The following RNF150 variants were observed in gnomAD, a reference collection of about 807,000 sequenced individuals.
RNF150 encodes ring finger protein 150.
Under a neutral mutation model 39.3 loss-of-function variants are expected in RNF150, and 24 were observed. The ratio of observed to expected loss-of-function variants is 0.61; its 90% CI spans 0.44 to 0.86. The LOEUF is 0.86. Ranked by LOEUF, RNF150 falls within the 40% of genes least tolerant of loss-of-function variation. The pLI, the probability that RNF150 is intolerant of heterozygous loss-of-function variation, is 0.00. For synonymous variants in RNF150, 255 were observed against 227.3 expected, an observed-to-expected ratio of 1.12 and a Z score of -1.10; for missense variants, 502 against 587.8, an observed-to-expected ratio of 0.85 and a Z score of 1.51.
At position 140,861,025 on chromosome 4, in the gene RNF150, C is replaced by T. The variant is rs1202086269; in HGVS notation, c.*7236G>A. ...TTCATTTTCTAAATGTAAGGGACAC[C>T]CCTCTATAAAAATAACAGTCCCTCC... is the stretch of plus-strand genomic sequence containing the variant. On this transcript the variant is annotated 3_prime_UTR_variant, in exon 7 of 7. Coordinates refer to ENST00000515673, the MANE Select transcript of RNF150 (RefSeq NM_020724.2). 1 of 151,888 alleles carries T rather than the reference C, an allele frequency of 6.6e-6. No individual in the cohort carries two copies. Among genetic ancestry groups the T allele is most frequent in the African/African-American group, 2.4e-5 (1 of 41,328 alleles). 9.4% of individuals were successfully genotyped at this position (151,888 alleles called of 1,614,324 possible).
At chr4:141,203,577 A>G (rs1450351385) in intron 1 of RNF150, among the ~76,000 whole-genome samples, 1 of 151,782 alleles carries the variant, frequency 6.6e-6, no homozygotes, top group African/African-American at 2.4e-5. Flanking sequence ...AGATACCCCA[A>G]AGGCACCAGG....
chr4:141,050,885 G>A (rs1736752154), intron 1 of RNF150, among the ~76,000 whole-genome samples: 1 of 152,210 alleles, frequency 6.6e-6, no homozygotes, highest in Admixed American at 6.5e-5. Context: ...TAGTGCCCCA[G>A]TAGGGACTCT....
chr4:140,999,802 G>A (rs1329401671), intron 1 of RNF150, among the ~76,000 whole-genome samples: 1 of 151,510 alleles, frequency 6.6e-6, no homozygotes, highest in Non-Finnish European at 1.5e-5. Context: ...AGGTGTGGTG[G>A]CATATACCTG....
At chr4:141,131,060 TC>T (rs779628023) in intron 1 of RNF150, among the ~76,000 whole-genome samples, 1 of 152,224 alleles carries the variant, frequency 6.6e-6, no homozygotes, top group Non-Finnish European at 1.5e-5. Context: ...TTGACAAATT[TC>T]CCTGACTAAA....
chr4:140,947,988 TTAATTA>T (rs1314878128), intron 3 of RNF150, among the ~76,000 whole-genome samples: 1 of 152,212 alleles, frequency 6.6e-6, no homozygotes, highest in Non-Finnish European at 1.5e-5. Context: ...AACAATGCTA[TTAATTA>T]TAATTAGAGG....
intron 6 of RNF150, among the ~76,000 whole-genome samples, chr4:140,881,074 T>C (rs574564396): frequency 1.3e-5 from 2 of 152,326 alleles, no homozygotes; most frequent in South Asian, 2.1e-4. Flanking sequence ...TGGTTTGTTT[T>C]CTTTTCTCTA....
At chr4:140,918,939 T>C (rs1253826384) in intron 5 of RNF150, among the ~76,000 whole-genome samples, 2 of 152,182 alleles carry the variant, frequency 1.3e-5, no homozygotes, top group Admixed American at 1.3e-4. Context: ...AAAAACCACA[T>C]GATTATCTCA....
At chr4:141,135,187 G>T (rs1364782461), upstream of RNF150, among the ~76,000 whole-genome samples, 1 of 152,164 alleles carries the variant, frequency 6.6e-6, no homozygotes, top group East Asian at 1.9e-4. Context: ...CTTTAGGGTG[G>T]ATTAACAATG....
intron 1 of RNF150, among the ~76,000 whole-genome samples, chr4:141,077,737 G>A (rs974966233): frequency 2.0e-4 from 31 of 152,296 alleles, no homozygotes; most frequent in African/African-American, 7.2e-4. Context: ...CCAGCCTAGG[G>A]TTCTGACTAC....
intron 1 of RNF150, among the ~76,000 whole-genome samples, chr4:141,080,508 C>A (rs1259659022): frequency 6.6e-6 from 1 of 152,138 alleles, no homozygotes; most frequent in African/African-American, 2.4e-5. Context: ...CTTCTAATTT[C>A]TTAATTAGTT....
chr4:141,182,669 G>T (rs62324959), intron 1 of RNF150, among the ~76,000 whole-genome samples: 1 of 35,928 alleles, frequency 2.8e-5, no homozygotes, highest in Non-Finnish European at 5.6e-5. Context: ...CACTGCTCAA[G>T]GAAATAAAAG....
At chr4:140,988,391 A>T (rs189642920) in intron 1 of RNF150, among the ~76,000 whole-genome samples, 2 of 152,314 alleles carry the variant, frequency 1.3e-5, no homozygotes, top group Non-Finnish European at 2.9e-5. Context: ...AAAATGTGGT[A>T]CATCTACACT....
intron 1 of RNF150, among the ~76,000 whole-genome samples, chr4:140,990,268 A>C (rs896178958): frequency 6.6e-6 from 1 of 152,192 alleles, no homozygotes; most frequent in Non-Finnish European, 1.5e-5. Context: ...TCGAGAAATT[A>C]CCATTATTTT....
chr4:141,202,153 C>T (rs1344173412), intron 1 of RNF150, among the ~76,000 whole-genome samples: 2 of 152,104 alleles, frequency 1.3e-5, no homozygotes, highest in Non-Finnish European at 2.9e-5. Context: ...TATAACAGCA[C>T]AAATGGAGGA....
chr4:140,906,059 T>A (rs893126251), intron 6 of RNF150, among the ~76,000 whole-genome samples: 5 of 151,812 alleles, frequency 3.3e-5, no homozygotes, highest in East Asian at 1.9e-4. Context: ...AGAAAAAAAA[T>A]TTTTTGGGGT....
intron 1 of RNF150, among the ~76,000 whole-genome samples, chr4:141,211,248 GT>G (rs1728459575): frequency 6.6e-6 from 1 of 152,142 alleles, no homozygotes; most frequent in South Asian, 2.1e-4. Context: ...AAAAATCACA[GT>G]AGCAAATCAC....
intron 1 of RNF150, among the ~76,000 whole-genome samples, chr4:141,143,207 T>G (rs1727150112): frequency 6.6e-6 from 1 of 152,186 alleles, no homozygotes; most frequent in South Asian, 2.1e-4. Context: ...CTTGAATTTA[T>G]TTTCTTTGAG....
At chr4:141,003,668 T>C (rs768215906) in intron 1 of RNF150, among the ~76,000 whole-genome samples, 2 of 151,952 alleles carry the variant, frequency 1.3e-5, no homozygotes, top group Admixed American at 6.6e-5. Flanking sequence ...AGGAAAGTCA[T>C]AGATGCATCT....
At chr4:140,921,594 G>A (rs1222705669) in intron 5 of RNF150, among the ~76,000 whole-genome samples, 2 of 152,168 alleles carry the variant, frequency 1.3e-5, no homozygotes, top group Non-Finnish European at 2.9e-5. Context: ...TACAAAAAGA[G>A]GGAACCCTCC....
Sources: gnomAD v4.1 joint callset for allele counts (sites outside exome capture counted in the v4.1 genomes callset) on GRCh38, gnomAD v4.1.1 for gene constraint, MANE v1.5 for transcripts, NCBI Gene and HGNC (gene_info 2026-07-23, HGNC 2026-07-21) for gene names.